Variants in MRPS6 observed in about 807,000 individuals in gnomAD.
The protein encoded by MRPS6 is mitochondrial ribosomal protein S6, also known as small ribosomal subunit protein bS6m.
A neutral mutation model predicts 13.1 loss-of-function variants in MRPS6; 6 were observed. The ratio of observed to expected loss-of-function variants is 0.46; its 90% CI spans 0.25 to 0.91. The LOEUF is 0.91. Among genes scored for constraint, MRPS6 ranks in the 40% least tolerant of loss-of-function variants. The pLI, the probability that MRPS6 is intolerant of heterozygous loss-of-function variation, is 0.18. For missense variants in MRPS6, 164 were observed against 155.6 expected (o/e 1.05, Z -0.29); for synonymous variants, 61 against 56.5 (o/e 1.08, Z -0.36).
intron 1 of MRPS6, chr21:34,102,157 T>G (rs1330368552): frequency 3.3e-5 from 33 of 1,000,022 alleles, no homozygotes; most frequent in Non-Finnish European, 3.9e-5. Flanking sequence ...TGTCCTTTGT[T>G]GGAATACTTT....
chr21:34,091,408 T>G (rs1299371953), intron 1 of MRPS6, among the ~76,000 whole-genome samples: 1 of 152,160 alleles, frequency 6.6e-6, no homozygotes, highest in African/African-American at 2.4e-5. Flanking sequence ...TGTTTACATA[T>G]AGTTCCAGAA....
At chr21:34,100,162 A>C in intron 1 of MRPS6, 1 of 1,000,018 alleles carries the variant, frequency 1.0e-6, no homozygotes, top group Non-Finnish European at 1.2e-6. Flanking sequence ...TGAGGTGAGG[A>C]CACTGGTCTT....
chr21:34,109,912 A>G (rs1178066720), intron 1 of MRPS6, among the ~76,000 whole-genome samples: 2 of 152,154 alleles, frequency 1.3e-5, no homozygotes, highest in African/African-American at 2.4e-5. Context: ...GCTGAAAAAA[A>G]TCTCTTTACA....
intron 1 of MRPS6, chr21:34,095,770 T>C: frequency 1.2e-6 from 2 of 1,614,078 alleles, no homozygotes; most frequent in Non-Finnish European, 1.7e-6. Context: ...CAGGCTCTGC[T>C]CATGATCATT....
chr21:34,135,832 G>A lies in MRPS6; in HGVS notation c.186-6576G>A, dbSNP rs116337953. On this transcript the variant is annotated intron_variant, in intron 2 of 2. Coordinates refer to ENST00000399312, the MANE Select transcript of MRPS6 (RefSeq NM_032476.4). ...GTGGCCATGCATTATCATGGAGTTA[G>A]TGAGGGACTCCACAATGGGGCACTG... 328 of 557,208 alleles carry A rather than the reference G, an allele frequency of 5.9e-4. 3 individuals carry two copies. The highest frequency in any genetic ancestry group is 5.7e-3 in the African/African-American group (300 of 52,250). 34.5% of individuals were successfully genotyped at this position (557,208 alleles called of 1,614,324 possible). A position where few individuals can be genotyped will look rare whatever the true frequency, so the allele number is the denominator to read the frequency against.
At chr21:34,089,416 A>G (rs369173404) in intron 1 of MRPS6, among the ~76,000 whole-genome samples, 4 of 151,792 alleles carry the variant, frequency 2.6e-5, no homozygotes, top group Admixed American at 2.6e-4. Context: ...TAAAACCAGT[A>G]GTAGTTTCAT....
At chr21:34,116,753 A>G (rs1000637371) in intron 1 of MRPS6, among the ~76,000 whole-genome samples, 9 of 152,160 alleles carry the variant, frequency 5.9e-5, no homozygotes, top group Admixed American at 4.6e-4. Context: ...TGCTGAAAAC[A>G]TGGAGCAAAC....
At chr21:34,075,873 C>T (rs1000964728) in intron 1 of MRPS6, among the ~76,000 whole-genome samples, 2 of 152,262 alleles carry the variant, frequency 1.3e-5, no homozygotes, top group Non-Finnish European at 2.9e-5. Context: ...AAAGTTAACT[C>T]TAGGCTTATG....
intron 2 of MRPS6, 36 bp from the exon 3 acceptor site, chr21:34,142,372 A>T: frequency 6.5e-7 from 1 of 1,539,432 alleles, no homozygotes; most frequent in Non-Finnish European, 8.7e-7. Context: ...ATTACAATTC[A>T]AATGCAGACA....
intron 2 of MRPS6, among the ~76,000 whole-genome samples, chr21:34,132,788 A>G (rs921113103): frequency 1.3e-5 from 2 of 152,138 alleles, no homozygotes; most frequent in Non-Finnish European, 2.9e-5. Context: ...CAGCACTTCC[A>G]GTCTATGATT....
rs893948985 is a variant in MRPS6, at chr21:34,102,209, A to C, written c.46-23132A>C. On this transcript the variant is annotated intron_variant, in intron 1 of 2. Transcript: ENST00000399312. Reference sequence around the variant, plus strand: ...TGACTCCTAGGAGAGAATTTAGTTAAGGTTCAAAGTAATTAACTGGCTTTG... The same window carrying C: ...TGACTCCTAGGAGAGAATTTAGTTACGGTTCAAAGTAATTAACTGGCTTTG... The C allele has an allele frequency of 3.0e-6, 3 of 999,826 alleles. No homozygotes were observed. The African/African-American group carries it at 5.2e-5, about 17-fold the overall frequency. 61.9% of individuals were successfully genotyped at this position (999,826 alleles called of 1,614,324 possible).
At chr21:34,103,639 A>G in intron 1 of MRPS6, 1 of 1,000,128 alleles carries the variant, frequency 1.0e-6, no homozygotes, top group Non-Finnish European at 1.2e-6. Context: ...TATTCTCTGT[A>G]TCCCACAAGT....
chr21:34,134,431 C>T (rs1276031021), intron 2 of MRPS6, among the ~76,000 whole-genome samples: 1 of 152,182 alleles, frequency 6.6e-6, no homozygotes, highest in East Asian at 1.9e-4. Flanking sequence ...TGCCTCCATC[C>T]CACATCAGCT....
rs769665990 is a variant in MRPS6 at position 34,096,524 on chromosome 21, G to A, written c.45+22779G>A. The A allele has an allele frequency of 6.2e-7, 1 of 1,614,170 alleles. No individual in the cohort carries two copies. The highest frequency in any genetic ancestry group is 2.2e-5 in the East Asian group (1 of 44,880). On this transcript the variant is annotated intron_variant, in intron 1 of 2. Transcript: ENST00000399312. This position sits in a 1 kb window ranked among gnomAD's most constrained non-coding sequence, Gnocchi z 5.9. ...GAGGCCAGATGTACCTTTACATTCA[G>A]GAGGTAGCAGATTACCTGACACCCC...
intron 1 of MRPS6, among the ~76,000 whole-genome samples, chr21:34,082,764 A>G (rs1989488039): frequency 6.7e-6 from 1 of 148,676 alleles, no homozygotes; most frequent in Non-Finnish European, 1.5e-5. Context: ...CACTCCAGAT[A>G]GATAACATCA....
intron 1 of MRPS6, among the ~76,000 whole-genome samples, chr21:34,119,894 C>A (rs1980060468): frequency 6.6e-6 from 1 of 152,154 alleles, no homozygotes; most frequent in Non-Finnish European, 1.5e-5. Context: ...AGGAGAGATT[C>A]CTTTCTTCCT....
intron 1 of MRPS6, chr21:34,099,646 T>C: frequency 6.0e-6 from 6 of 998,380 alleles, no homozygotes; most frequent in Non-Finnish European, 7.2e-6. Context: ...CCTAGTAGTT[T>C]GGAGAATTAG....
chr21:34,085,215 T>C (rs1053191494), intron 1 of MRPS6, among the ~76,000 whole-genome samples: 3 of 152,182 alleles, frequency 2.0e-5, no homozygotes, highest in Non-Finnish European at 1.5e-5. Context: ...AGTTTTGGAG[T>C]CCAGGCCTAC....
In MRPS6 at chr21:34,142,520, C is replaced by T; in HGVS notation, c.298C>T (p.Gln100Ter). 1 of 1,613,450 alleles carries T rather than the reference C, an allele frequency of 6.2e-7. No individual in the cohort carries two copies. Among genetic ancestry groups the T allele is most frequent in the Non-Finnish European group, 8.5e-7 (1 of 1,179,734 alleles). The stretch of plus-strand genomic sequence containing the variant: ...GAATATTGTCAAACACCCTCTGACC[C>T]AGGAACTAAAAGAATGTGAAGGGAT... ...RGNIVKHPLT[Q>*]ELKECEGIVP... Residue 100 changes from glutamine to a stop codon, truncating the protein, a stop_gained, in exon 3 of 3, where the codon CAG becomes TAG. Coordinates refer to ENST00000399312, the MANE Select transcript of MRPS6 (RefSeq NM_032476.4). LOFTEE classifies it high-confidence loss of function.
Sources: gnomAD v4.1 joint callset for allele counts (sites outside exome capture counted in the v4.1 genomes callset) on GRCh38, gnomAD v4.1.1 for gene constraint, Gnocchi (gnomAD v3.1) non-coding constraint, MANE v1.5 for transcripts, NCBI Gene and HGNC (gene_info 2026-07-23, HGNC 2026-07-21) for gene names.